Variants in PIGO observed in about 807,000 individuals in gnomAD.
The protein encoded by PIGO is phosphatidylinositol glycan anchor biosynthesis class O, also known as GPI ethanolamine phosphate transferase 3, catalytic subunit.
Under a neutral mutation model 86.9 loss-of-function variants are expected in PIGO, and 66 were observed. That is an observed-to-expected ratio of 0.76 (90% CI 0.62 to 0.93). The LOEUF is 0.93. Among genes scored for constraint, PIGO ranks in the 40% least tolerant of loss-of-function variants. The pLI is 0.00. For missense variants in PIGO, 1,202 were observed against 1,359.1 expected (o/e 0.88, Z 1.82); for synonymous variants, 570 against 556.4 (o/e 1.02, Z -0.34).
rs755191263 is a variant in PIGO at position 35,095,543 on chromosome 9, A to G, written c.23T>C (p.Leu8Pro). 19 of 1,586,194 alleles carry G rather than the reference A, an allele frequency of 1.2e-5. No individual in the cohort carries two copies. The South Asian group carries it at 1.7e-4, about 14-fold the overall frequency. MQKASVL[L>P]FLAWVCFLFY... ...GAGGAAGCAGACCCAGGCCAGGAAG[A>G]GCAACACTGAGGCTTTCTGCATCCT... is the stretch of plus-strand genomic sequence containing the variant. The change falls in exon 2 of 11, where the codon CTC becomes CCC. Residue 8 changes from leucine (L) to proline (P), a missense_variant. Physicochemically the swap from Leu to Pro is moderately conservative, Grantham distance 98. Coordinates refer to ENST00000378617, the MANE Select transcript of PIGO (RefSeq NM_032634.4).
At position 35,092,193 on chromosome 9, in the gene PIGO, A is replaced by T. The variant is rs757120982; in HGVS notation, c.1694T>A (p.Phe565Tyr). ...FRLAVFFSDSFVVAEARATPF... is the reference protein window; with the variant it reads ...FRLAVFFSDSYVVAEARATPF... ...GGTGGCCCTGGCCTCAGCTACAACA[A>T]AACTATCAGAGAAGAACACAGCCAA... Residue 565 changes from phenylalanine to tyrosine, a missense_variant, in exon 7 of 11, where the codon TTT (phenylalanine) becomes TAT (tyrosine). Coordinates refer to ENST00000378617, the MANE Select transcript of PIGO (RefSeq NM_032634.4). The T allele has an allele frequency of 6.2e-7, 1 of 1,614,246 alleles. No homozygotes were observed. Among genetic ancestry groups the T allele is most frequent in the Non-Finnish European group, 8.5e-7 (1 of 1,180,050 alleles).
In PIGO at chr9:35,091,527, G is replaced by C. The variant is rs1396329353; in HGVS notation, c.2360C>G (p.Pro787Arg). Residue 787 changes from proline (P) to arginine (R), a missense_variant, in exon 7 of 11, where the codon CCC becomes CGC. By Grantham distance (103) the Pro-to-Arg change is moderately radical (BLOSUM62 -2). Coordinates refer to ENST00000378617, the MANE Select transcript of PIGO (RefSeq NM_032634.4). ...RTVLTPFSGP[P>R]TSQADLDYVV... ...ATAATCCAAGTCAGCTTGAGAAGTGGGGGGGCCTGAGAAGGGAGTGAGGAC... is the reference window on the plus strand; with the variant it reads ...ATAATCCAAGTCAGCTTGAGAAGTGCGGGGGCCTGAGAAGGGAGTGAGGAC... 4 of 1,614,052 alleles carry C rather than the reference G, an allele frequency of 2.5e-6. No homozygotes were observed. The highest frequency in any genetic ancestry group is 3.3e-5 in the Admixed American group (2 of 60,002).
In PIGO at chr9:35,092,506, A is replaced by G. The variant is rs761298823; in HGVS notation, c.1381T>C (p.Ser461Pro). 1.2e-6 allele frequency: 2 copies of G among 1,614,194 alleles called. No homozygotes were observed. The highest frequency in any genetic ancestry group is 1.7e-6 in the Non-Finnish European group (2 of 1,179,996). Residue 461 changes from serine (S) to proline (P), a missense_variant, in exon 7 of 11, where the codon TCC becomes CCC. Ser to Pro is a moderately conservative substitution (Grantham distance 74, BLOSUM62 -1). Coordinates refer to ENST00000378617, the MANE Select transcript of PIGO (RefSeq NM_032634.4). Reference protein sequence around the residue: ...MAGGTALLAASCFICLLASQW... With the variant: ...MAGGTALLAAPCFICLLASQW... The stretch of plus-strand genomic sequence containing the variant: ...GATGCCAGCAGGCAGATAAAGCAGG[A>G]AGCAGCCAAGAGAGCAGTACCCCCC...
In PIGO at chr9:35,091,578, C is replaced by G. The variant is rs1372605305; in HGVS notation, c.2309G>C (p.Gly770Ala). Reference protein sequence around the residue: ...WKPVTVLVKAGAGAPRTRTVL... With the variant: ...WKPVTVLVKAAAGAPRTRTVL... ...AGTCCTGGTCCTTGGAGCGCCTGCC[C>G]CAGCCTTCACCAGCACTGTCACAGG... The change falls in exon 7 of 11, where the codon GGG (glycine) becomes GCG (alanine). Residue 770 changes from glycine (G) to alanine (A), a missense_variant. Physicochemically the swap from Gly to Ala is moderately conservative, Grantham distance 60. Coordinates refer to ENST00000378617, the MANE Select transcript of PIGO (RefSeq NM_032634.4). 1.2e-6 allele frequency: 2 copies of G among 1,613,898 alleles called. No homozygotes were observed. The highest frequency in any genetic ancestry group is 2.7e-5 in the African/African-American group (2 of 74,928).
rs368361555 is a variant in PIGO, at chr9:35,090,177, G to C, written c.2958C>G (p.Pro986=). The change falls in exon 9 of 11, where the codon CCC becomes CCG. Residue 986 remains proline (P), a synonymous_variant. Coordinates refer to ENST00000378617, the MANE Select transcript of PIGO (RefSeq NM_032634.4). ...CCATCAGTGGCTCCTCTTCCTCCTC[G>C]GGTCTGACTCTGGCATCAGCTTCAT... ...PGNEADARVR[P]EEEEEPLMEM... is the part of the protein sequence containing the mutation. 2 of 1,614,160 alleles carry C rather than the reference G, an allele frequency of 1.2e-6. No homozygotes were observed. Among genetic ancestry groups the C allele is most frequent in the Non-Finnish European group, 1.7e-6 (2 of 1,180,042 alleles).
chr9:35,093,198 C>A lies in PIGO; in HGVS notation c.951G>T (p.Val317=). The change falls in exon 6 of 11, where the codon GTG becomes GTT. Residue 317 remains valine, a synonymous_variant. Coordinates refer to ENST00000378617, the MANE Select transcript of PIGO (RefSeq NM_032634.4). ...FPSTPPEEPE[V]IPQVSLVPTL... Reference sequence around the variant, plus strand: ...TGGGCACAAGGCTAACTTGAGGAATCACCTCTGGCTCCTAAAGGAAAATGA... The same window carrying A: ...TGGGCACAAGGCTAACTTGAGGAATAACCTCTGGCTCCTAAAGGAAAATGA... 1 of 1,612,072 alleles carries A rather than the reference C, an allele frequency of 6.2e-7. No homozygotes were observed. The highest frequency in any genetic ancestry group is 8.5e-7 in the Non-Finnish European group (1 of 1,178,390).
chr9:35,092,150 T>C lies in PIGO; in HGVS notation c.1737A>G (p.Ser579=), dbSNP rs775812284. The part of the protein sequence containing the change: ...EARATPFLLG[S]FILLLVVQLH... ...GCTGGACAACCAGGAGCAGGATGAA[T>C]GAGCCCAAAAGGAAGGGGGTGGCCC... The change falls in exon 7 of 11, where the codon TCA becomes TCG. Residue 579 remains serine (S), a synonymous_variant. Transcript: ENST00000378617. 1.9e-6 allele frequency: 3 copies of C among 1,614,042 alleles called. No homozygotes were observed. The highest frequency in any genetic ancestry group is 1.3e-5 in the African/African-American group (1 of 74,906).
Position 35,095,342 on chromosome 9 carries a change from A to G in PIGO, c.224T>C (p.Ile75Thr). 1 of 1,614,196 alleles carries G rather than the reference A, an allele frequency of 6.2e-7. No individual in the cohort carries two copies. The highest frequency in any genetic ancestry group is 1.3e-5 in the African/African-American group (1 of 75,048). ...GGCGAAGTCAAATCGCAGAGCATCTATCAGCACCAACACAACCCGCGAAAA... is the reference window on the plus strand; with the variant it reads ...GGCGAAGTCAAATCGCAGAGCATCTGTCAGCACCAACACAACCCGCGAAAA... ...SRFSRVVLVL[I>T]DALRFDFAQP... Residue 75 changes from isoleucine to threonine, a missense_variant, in exon 2 of 11, where the codon ATA (isoleucine) becomes ACA (threonine). Physicochemically the swap from Ile to Thr is moderately conservative, Grantham distance 89. Transcript: ENST00000378617.
Position 35,091,381 on chromosome 9 carries a change from T to A in PIGO, c.2506A>T (p.Met836Leu). ...GCCAACAGGGTGAGGGCTGTGACCATAGCAGCTGAGTAGACACTCCCCAAC... is the reference window on the plus strand; with the variant it reads ...GCCAACAGGGTGAGGGCTGTGACCAAAGCAGCTGAGTAGACACTCCCCAAC... ...YQLGSVYSAA[M>L]VTALTLLAFP... Residue 836 changes from methionine (M) to leucine (L), a missense_variant, in exon 7 of 11, where the codon ATG becomes TTG. Physicochemically the swap from Met to Leu is conservative, Grantham distance 15 (BLOSUM62 2). Transcript: ENST00000378617. 1.2e-6 allele frequency: 2 copies of A among 1,614,160 alleles called. No individual in the cohort carries two copies. Among genetic ancestry groups the A allele is most frequent in the Non-Finnish European group, 1.7e-6 (2 of 1,180,022 alleles).
chr9:35,094,120 A>G, intron 3 of PIGO, 96 bp from the exon 4 acceptor site: 1 of 1,564,874 alleles, frequency 6.4e-7, no homozygotes, highest in Non-Finnish European at 8.6e-7. Context: ...ATACAAGCCC[A>G]GGCTGTTACA....
In PIGO at chr9:35,092,242, C is replaced by G; in HGVS notation, c.1645G>C (p.Val549Leu). The change falls in exon 7 of 11, where the codon GTC becomes CTC. Residue 549 changes from valine to leucine, a missense_variant. Coordinates refer to ENST00000378617, the MANE Select transcript of PIGO (RefSeq NM_032634.4). ...AAGCGAAACAGCAGGAGTAACAGGA[C>G]GGGCCCAGGGATGGGAAACAGGGTT... The part of the protein sequence containing the change: ...LATLFPIPGP[V>L]LLLLLFRLAV... 1 of 1,614,194 alleles carries G rather than the reference C, an allele frequency of 6.2e-7. No homozygotes were observed. Among genetic ancestry groups the G allele is most frequent in the Non-Finnish European group, 8.5e-7 (1 of 1,180,040 alleles).
chr9:35,089,313 G>A, intron 10 of PIGO, 67 bp downstream of exon 10: 1 of 1,613,464 alleles, frequency 6.2e-7, no homozygotes, highest in Non-Finnish European at 8.5e-7. Flanking sequence ...GGATGTTTAG[G>A]ATCTTCATAC....
intron 9 of PIGO, 89 bp downstream of exon 9, chr9:35,089,977 G>C (rs1166393575): frequency 1.3e-6 from 2 of 1,512,216 alleles, no homozygotes; most frequent in African/African-American, 1.4e-5. Context: ...CTCAGTCAAG[G>C]CTCTCTCCCA....
chr9:35,094,949 C>G (rs1229270910), intron 2 of PIGO, 106 bp downstream of exon 2: 26 of 1,433,574 alleles, frequency 1.8e-5, no homozygotes, highest in Non-Finnish European at 2.5e-5. Flanking sequence ...TCCCCCTACA[C>G]CATAATCAAG....
At chr9:35,093,338 A>G in intron 5 of PIGO, 83 bp downstream of exon 5, 1 of 1,593,768 alleles carries the variant, frequency 6.3e-7, no homozygotes, top group Non-Finnish European at 8.6e-7. Context: ...TGGGGGCCTA[A>G]AATAGAGGTA....
At position 35,092,377 on chromosome 9, in the gene PIGO, T is replaced by C. The variant is rs868736867; in HGVS notation, c.1510A>G (p.Ile504Val). 1.4e-5 allele frequency: 23 copies of C among 1,614,126 alleles called. No homozygotes were observed. The Middle Eastern group carries it at 3.6e-3, about 255-fold the overall frequency. ...AGCACTAGATCTAGCTTCAGCTCAATAGTTCCCAGGAGTCCAGCATACGCT... is the reference window on the plus strand; with the variant it reads ...AGCACTAGATCTAGCTTCAGCTCAACAGTTCCCAGGAGTCCAGCATACGCT... ...AIAYAGLLGTIELKLDLVLLG... is the reference protein window; with the variant it reads ...AIAYAGLLGTVELKLDLVLLG... Residue 504 changes from isoleucine (I) to valine (V), a missense_variant, in exon 7 of 11, where the codon ATT becomes GTT. Transcript: ENST00000378617.
rs1248689344 is a variant in PIGO, at chr9:35,089,061, T to C, written c.*31A>G. On this transcript the variant is annotated 3_prime_UTR_variant, in exon 11 of 11. Coordinates refer to ENST00000378617, the MANE Select transcript of PIGO (RefSeq NM_032634.4). ...GGCTACACTGTTCTCAAGCACTCTC[T>C]GTAGCCAAGTGCCAGTAATCACAGA... 5.0e-6 allele frequency: 8 copies of C among 1,613,680 alleles called. 1 individual carries two copies. In the East Asian group the frequency reaches 1.8e-4, roughly 36 times the overall value.
Position 35,091,847 on chromosome 9 carries a change from CAG to C in PIGO, c.2038_2039del (p.Leu680ValfsTer13). ...YGACVAALVA[L>X]LAAVRLWLRR... is the part of the protein sequence containing the mutation. ...GAAGCCACAAGCGCACGGCAGCTAACAGGGCCACCAGCGCCGCCACACAAGCT... is the reference window on the plus strand; with the variant it reads ...GAAGCCACAAGCGCACGGCAGCTAACGGCCACCAGCGCCGCCACACAAGCT... On this transcript the variant is annotated frameshift_variant, in exon 7 of 11. Transcript: ENST00000378617. LOFTEE classifies it high-confidence loss of function. 1 of 1,614,098 alleles carries C rather than the reference CAG, an allele frequency of 6.2e-7. No homozygotes were observed. Among genetic ancestry groups the C allele is most frequent in the Non-Finnish European group, 8.5e-7 (1 of 1,180,048 alleles).
chr9:35,094,990 C>A lies in PIGO; in HGVS notation c.511+65G>T, dbSNP rs1463815340. On this transcript the variant is annotated intron_variant, in intron 2 of 10. Coordinates refer to ENST00000378617, the MANE Select transcript of PIGO (RefSeq NM_032634.4). ...ATCTGGGCACCCAAAGGTCTGACTC[C>A]CTGACTTCAAATTTTGAAGAAATTT... The A allele has an allele frequency of 8.5e-6, 13 of 1,531,228 alleles. No homozygotes were observed. In the East Asian group the frequency reaches 2.5e-4, roughly 29 times the overall value. The allele number at this position is 1,531,228 out of a possible 1,614,324, so 94.9% of individuals were successfully genotyped here.
Sources: allele counts gnomAD v4.1 joint callset, GRCh38; gene constraint gnomAD v4.1.1; transcripts MANE v1.5; gene names NCBI Gene and HGNC (gene_info 2026-07-23, HGNC 2026-07-21).